RAB2A: variants seen among roughly 807,000 people sequenced by gnomAD.
RAB2A encodes RAB2A, member RAS oncogene family.
Under a neutral mutation model 32.5 loss-of-function variants are expected in RAB2A, and 7 were observed. That is an observed-to-expected ratio of 0.22 (90% CI 0.12 to 0.40). The LOEUF is 0.40. Among genes scored for constraint, RAB2A ranks in the 10% least tolerant of loss-of-function variants. RAB2A has a pLI of 1.00. For missense variants in RAB2A, 108 were observed against 260.7 expected, an observed-to-expected ratio of 0.41 and a Z score of 4.03; for synonymous variants, 79 against 85.2, an observed-to-expected ratio of 0.93 and a Z score of 0.40.
intron 5 of RAB2A, among the ~76,000 whole-genome samples, chr8:60,590,586 TTATA>T (rs58871213): frequency 3.6e-5 from 4 of 109,656 alleles, no homozygotes; most frequent in Non-Finnish European, 6.0e-5. Context: ...TATATGTATT[TTATA>T]TATATATAAT....
Position 60,517,095 on chromosome 8 carries a change from G to C in RAB2A, c.-113G>C. 8.7e-7 allele frequency: 1 copy of C among 1,144,126 alleles called. No homozygotes were observed. Among genetic ancestry groups the C allele is most frequent in the Admixed American group, 3.8e-5 (1 of 26,452 alleles). The allele number at this position is 1,144,126 out of a possible 1,614,324, so 70.9% of individuals were successfully genotyped here. On this transcript the variant is annotated 5_prime_UTR_variant, in exon 1 of 8. Transcript: ENST00000262646. ...CCCGGCGGCTGACAGCAGCAGCGGCGGCGGCGGGCGGCGCCTGGCGTTTCG... is the reference window on the plus strand; with the variant it reads ...CCCGGCGGCTGACAGCAGCAGCGGCCGCGGCGGGCGGCGCCTGGCGTTTCG...
At position 60,518,149 on chromosome 8, in the gene RAB2A, A is replaced by G. The variant is rs150030506; in HGVS notation, c.46+896A>G. 7.7e-4 allele frequency among the ~76,000 whole-genome samples: 118 copies of G among 152,324 alleles called. No homozygotes were observed. In the Middle Eastern group the frequency reaches 0.01, roughly 13 times the overall value. ...TAGTATATTTCACAGAAAAGTAAACAGACTCTTCGTAGATATTTTTAATAC... is the reference window on the plus strand; with the variant it reads ...TAGTATATTTCACAGAAAAGTAAACGGACTCTTCGTAGATATTTTTAATAC... On this transcript the variant is annotated intron_variant, in intron 1 of 7. Transcript: ENST00000262646.
intron 6 of RAB2A, among the ~76,000 whole-genome samples, chr8:60,592,301 TC>T (rs1220583446): frequency 1.3e-5 from 2 of 152,274 alleles, no homozygotes; most frequent in Admixed American, 1.3e-4. Flanking sequence ...AATAGTGTAG[TC>T]CTATTCTTTC....
At chr8:60,586,608 C>A (rs73261232) in intron 5 of RAB2A, among the ~76,000 whole-genome samples, 6,421 of 151,952 alleles carry the variant, frequency 0.042, 327 homozygotes, top group African/African-American at 0.12. Context: ...AAGATGTCTT[C>A]TCAAATTTAT....
At chr8:60,556,662 AG>A (rs1269063873) in intron 1 of RAB2A, among the ~76,000 whole-genome samples, 24 of 147,250 alleles carry the variant, frequency 1.6e-4, no homozygotes, top group East Asian at 1.0e-3. Flanking sequence ...AAAAAAAAAA[AG>A]AGGAAGAAGA....
chr8:60,544,291 C>G (rs189500894), intron 1 of RAB2A, among the ~76,000 whole-genome samples: 1 of 151,256 alleles, frequency 6.6e-6, no homozygotes, highest in East Asian at 2.0e-4. Context: ...CTGCCCACCT[C>G]AGCCTCCCAA....
Position 60,620,815 on chromosome 8 carries a change from T to C in RAB2A, c.*46T>C, listed in dbSNP as rs1804515207. On this transcript the variant is annotated 3_prime_UTR_variant, in exon 8 of 8. Transcript: ENST00000262646. ...TGCCCAACGGGGCCTACTCACTTATTCTTTCACCCCCTCTCCTCCTGCTCA... is the reference window on the plus strand; with the variant it reads ...TGCCCAACGGGGCCTACTCACTTATCCTTTCACCCCCTCTCCTCCTGCTCA... The C allele has an allele frequency of 6.6e-7, 1 of 1,504,024 alleles. No homozygotes were observed. Among genetic ancestry groups the C allele is most frequent in the Non-Finnish European group, 9.1e-7 (1 of 1,104,502 alleles). 93.2% of individuals were successfully genotyped at this position (1,504,024 alleles called of 1,614,324 possible). A position where few individuals can be genotyped will look rare whatever the true frequency, so the allele number is the denominator to read the frequency against.
chr8:60,557,205 C>A (rs1399102094), intron 1 of RAB2A, among the ~76,000 whole-genome samples: 1 of 152,162 alleles, frequency 6.6e-6, no homozygotes, highest in East Asian at 1.9e-4. Flanking sequence ...TTTTCACTGT[C>A]ATTTCTTCAG....
intron 1 of RAB2A, among the ~76,000 whole-genome samples, chr8:60,526,662 T>A (rs1335944197): frequency 6.6e-6 from 1 of 152,148 alleles, no homozygotes; most frequent in Non-Finnish European, 1.5e-5. Context: ...TAGTCCATTC[T>A]CACACTGCTA....
At position 60,517,179 on chromosome 8, in the gene RAB2A, G is replaced by A; in HGVS notation, c.-29G>A. Reference sequence around the variant, plus strand: ...AGGAGCAGCAGCGGGAGGAGGAGCCGTGTGCCCTGGCACTGAGCGGCCGCG... The same window carrying A: ...AGGAGCAGCAGCGGGAGGAGGAGCCATGTGCCCTGGCACTGAGCGGCCGCG... On this transcript the variant is annotated 5_prime_UTR_variant, in exon 1 of 8. In the 5' UTR this introduces an upstream ATG that the reference lacks. Coordinates refer to ENST00000262646, the MANE Select transcript of RAB2A (RefSeq NM_002865.3). 6.8e-7 allele frequency: 1 copy of A among 1,478,572 alleles called. No homozygotes were observed. Among genetic ancestry groups the A allele is most frequent in the Non-Finnish European group, 9.0e-7 (1 of 1,112,070 alleles). 91.6% of individuals were successfully genotyped at this position (1,478,572 alleles called of 1,614,324 possible). A position where few individuals can be genotyped will look rare whatever the true frequency, so the allele number is the denominator to read the frequency against.
intron 6 of RAB2A, among the ~76,000 whole-genome samples, chr8:60,608,779 C>T (rs956595986): frequency 7.2e-5 from 11 of 152,134 alleles, no homozygotes; most frequent in Non-Finnish European, 1.2e-4. Flanking sequence ...CACACCCTTC[C>T]GATTTAACAC....
chr8:60,571,219 C>A (rs640921), intron 2 of RAB2A, among the ~76,000 whole-genome samples: 2 of 152,216 alleles, frequency 1.3e-5, no homozygotes, highest in African/African-American at 4.8e-5. Context: ...AATCCTATTT[C>A]TTATAATTTG....
chr8:60,577,466 G>A (rs781347204), intron 3 of RAB2A, among the ~76,000 whole-genome samples: 1 of 152,142 alleles, frequency 6.6e-6, no homozygotes, highest in Non-Finnish European at 1.5e-5. Context: ...AACTAGTGCA[G>A]GTTGACTTTT....
intron 1 of RAB2A, among the ~76,000 whole-genome samples, chr8:60,544,108 C>CT (rs762062848): frequency 0.081 from 10,898 of 134,146 alleles, 1,345 homozygotes; most frequent in African/African-American, 0.26. Flanking sequence ...ATTTTCAATT[C>CT]TTTTTTTTTT....
rs1804518248 is a variant in RAB2A, at chr8:60,621,080, A to G, written c.*311A>G. 4.5e-6 allele frequency: 1 copy of G among 222,528 alleles called. No individual in the cohort carries two copies. The highest frequency in any genetic ancestry group is 2.3e-5 in the African/African-American group (1 of 43,436). 13.8% of individuals were successfully genotyped at this position (222,528 alleles called of 1,614,324 possible). A position where few individuals can be genotyped will look rare whatever the true frequency, so the allele number is the denominator to read the frequency against. ...TAAACACTACAAAGTCATCTTGAGT[A>G]TTTTAAATCGGTTTGTGTAGTTAGG... On this transcript the variant is annotated 3_prime_UTR_variant, in exon 8 of 8. Coordinates refer to ENST00000262646, the MANE Select transcript of RAB2A (RefSeq NM_002865.3).
At chr8:60,583,469 T>A (rs1803795901) in intron 3 of RAB2A, among the ~76,000 whole-genome samples, 1 of 152,238 alleles carries the variant, frequency 6.6e-6, no homozygotes, top group South Asian at 2.1e-4. Flanking sequence ...TGTGTCTGTT[T>A]CACAAGTGGA....
chr8:60,603,167 T>G (rs1274687751), intron 6 of RAB2A, among the ~76,000 whole-genome samples: 1 of 152,236 alleles, frequency 6.6e-6, no homozygotes, highest in Admixed American at 6.5e-5. Flanking sequence ...TAGAGAAATT[T>G]TAATGCACAG....
intron 7 of RAB2A, 58 bp downstream of exon 7, chr8:60,618,706 A>C: frequency 1.6e-6 from 1 of 631,366 alleles, no homozygotes; most frequent in Non-Finnish European, 2.2e-6. Flanking sequence ...TTTGATTACT[A>C]TTTTATATTT....
At chr8:60,595,700 C>A (rs181371132) in intron 6 of RAB2A, among the ~76,000 whole-genome samples, 1 of 151,996 alleles carries the variant, frequency 6.6e-6, no homozygotes, top group East Asian at 1.9e-4. Flanking sequence ...GCTAAACATG[C>A]GTGTACCAGA....
Sources: allele counts gnomAD v4.1 joint callset (sites outside exome capture counted in the v4.1 genomes callset), GRCh38; gene constraint gnomAD v4.1.1; transcripts MANE v1.5; gene names NCBI Gene and HGNC (gene_info 2026-07-23, HGNC 2026-07-21).